The following RPL41 variants were observed in gnomAD, a reference collection of about 807,000 sequenced individuals.
The protein encoded by RPL41 is small ribosomal subunit protein eS32.
RPL41 carries 3 observed loss-of-function variants against 7.3 expected under a neutral mutation model. The observed-to-expected ratio is 0.41, with a 90% CI of 0.19 to 1.06. The LOEUF (loss-of-function observed/expected upper bound fraction) is 1.06, where lower values mean the gene tolerates loss of function less well. Among genes scored for constraint, RPL41 ranks in the 50% least tolerant of loss-of-function variants. The pLI is 0.32. For missense variants in RPL41, 13 were observed against 30.4 expected, an observed-to-expected ratio of 0.43 and a Z score of 1.35; for synonymous variants, 9 against 7.4, an observed-to-expected ratio of 1.21 and a Z score of -0.34.
chr12:56,116,996 AATTCTGATCTTATG>A (rs1869625945), intron 1 of RPL41, 179 bp from the exon 2 acceptor site: 1 of 1,076,260 alleles, frequency 9.3e-7, no homozygotes. Context: ...AAAAGGGTGG[AATTCTGATCTTATG>A]TTGGGAGGGT....
chr12:56,117,050 C>G, intron 1 of RPL41, 139 bp from the exon 2 acceptor site: 1 of 1,295,140 alleles, frequency 7.7e-7, no homozygotes, highest in East Asian at 2.5e-5. Context: ...TTGTTACGAC[C>G]AATCTTTCAT....
chr12:56,117,437 C>A (rs1435272478), intron 2 of RPL41, 45 bp from the exon 3 acceptor site: 4 of 1,547,718 alleles, frequency 2.6e-6, no homozygotes, highest in Non-Finnish European at 3.5e-6. Flanking sequence ...GAGGGAAAGG[C>A]AACTCTGGTT....
rs555391078 is a variant in RPL41 at position 56,116,635 on chromosome 12, C to T, written c.-153C>T. 7.7e-6 allele frequency: 7 copies of T among 914,326 alleles called. No individual in the cohort carries two copies. The highest frequency in any genetic ancestry group is 2.4e-5 in the East Asian group (1 of 41,272). The allele number at this position is 914,326 out of a possible 1,614,324, so 56.6% of individuals were successfully genotyped here. On this transcript the variant is annotated 5_prime_UTR_variant, in exon 1 of 3. Coordinates refer to ENST00000546591, the MANE Select transcript of RPL41 (RefSeq NM_001035267.2). ...GCCGTAGACGGAACTTCGCCTTTCT[C>T]TCGGCCTTAGCGCCATTTTTTTGGG...
At position 56,117,569 on chromosome 12, in the gene RPL41, G is replaced by T; in HGVS notation, c.*45G>T. 6.3e-6 allele frequency: 9 copies of T among 1,417,376 alleles called. No homozygotes were observed. The highest frequency in any genetic ancestry group is 8.8e-6 in the Non-Finnish European group (9 of 1,025,302). The allele number at this position is 1,417,376 out of a possible 1,614,324, so 87.8% of individuals were successfully genotyped here. ...GTGGAGGCCACAGGAGCAGAAACAT[G>T]GAATGCCAGACGCTGGGGATGCTGG... On this transcript the variant is annotated 3_prime_UTR_variant, in exon 3 of 3. Transcript: ENST00000546591.
intron 1 of RPL41, 35 bp downstream of exon 1, chr12:56,116,834 G>C: frequency 6.2e-7 from 1 of 1,613,830 alleles, no homozygotes; most frequent in Non-Finnish European, 8.5e-7. Flanking sequence ...TGGGAGGTAG[G>C]AGTTGGCGAG....
chr12:56,117,724 T>C lies in RPL41; in HGVS notation c.*200T>C. On this transcript the variant is annotated 3_prime_UTR_variant, in exon 3 of 3. Coordinates refer to ENST00000546591, the MANE Select transcript of RPL41 (RefSeq NM_001035267.2). Reference sequence around the variant, plus strand: ...AAACAAAATGCCCATGTTGGTCCTCTGCCCTGGACCTGTGACATTCTGGAC... The same window carrying C: ...AAACAAAATGCCCATGTTGGTCCTCCGCCCTGGACCTGTGACATTCTGGAC... 1 of 591,508 alleles carries C rather than the reference T, an allele frequency of 1.7e-6. No individual in the cohort carries two copies. The highest frequency in any genetic ancestry group is 1.9e-5 in the South Asian group (1 of 52,526). 36.6% of individuals were successfully genotyped at this position (591,508 alleles called of 1,614,324 possible). A position where few individuals can be genotyped will look rare whatever the true frequency, so the allele number is the denominator to read the frequency against.
At position 56,117,676 on chromosome 12, in the gene RPL41, C is replaced by G. The variant is rs1262676937; in HGVS notation, c.*152C>G. On this transcript the variant is annotated 3_prime_UTR_variant, in exon 3 of 3. Coordinates refer to ENST00000546591, the MANE Select transcript of RPL41 (RefSeq NM_001035267.2). ...TTCATCGCCCTCTGATCGCCGATCA[C>G]CTCTGAGACCCACCTTGCTCATAAA... 1.5e-6 allele frequency: 1 copy of G among 667,316 alleles called. No homozygotes were observed. The highest frequency in any genetic ancestry group is 2.7e-6 in the Non-Finnish European group (1 of 370,882). The allele number at this position is 667,316 out of a possible 1,614,324, so 41.3% of individuals were successfully genotyped here. A position where few individuals can be genotyped will look rare whatever the true frequency, so the allele number is the denominator to read the frequency against.
At chr12:56,117,021 G>T in intron 1 of RPL41, 168 bp from the exon 2 acceptor site, 1 of 1,119,584 alleles carries the variant, frequency 8.9e-7, no homozygotes. Context: ...TTGGGAGGGT[G>T]TCCAAGTTAC....
chr12:56,117,464 C>A lies in RPL41; in HGVS notation c.36-18C>A. 1 of 1,553,048 alleles carries A rather than the reference C, an allele frequency of 6.4e-7. No homozygotes were observed. Among genetic ancestry groups the A allele is most frequent in the Non-Finnish European group, 8.7e-7 (1 of 1,147,666 alleles). ...ACTCTGGTTTGAGGTGTATTCCATT[C>A]CTGTGTCTGCTTTTCAGGCTGAAGC... On this transcript the variant is annotated intron_variant, in intron 2 of 2. Transcript: ENST00000546591.
chr12:56,116,924 A>G (rs1869622710), intron 1 of RPL41, 125 bp downstream of exon 1: 1 of 1,313,464 alleles, frequency 7.6e-7, no homozygotes, highest in African/African-American at 1.5e-5. Flanking sequence ...CTGGTGGGAG[A>G]GAGAAGGTAG....
In RPL41 at chr12:56,116,936, T is replaced by TTGTGAGAG. The variant is rs1869622917; in HGVS notation, c.12+138_12+145dup. On this transcript the variant is annotated intron_variant, in intron 1 of 2. Transcript: ENST00000546591. ...GAGCTGGTGGGAGAGAGAAGGTAGT[T>TTGTGAGAG]TGTGAGAGAGCTAGCGGTTAAGTGC... 3.2e-6 allele frequency: 4 copies of TTGTGAGAG among 1,253,086 alleles called. No individual in the cohort carries two copies. In the South Asian group the frequency reaches 4.8e-5, roughly 15 times the overall value. 77.6% of individuals were successfully genotyped at this position (1,253,086 alleles called of 1,614,324 possible). A position where few individuals can be genotyped will look rare whatever the true frequency, so the allele number is the denominator to read the frequency against.
intron 2 of RPL41, 44 bp downstream of exon 2, chr12:56,117,255 G>A: frequency 6.3e-7 from 1 of 1,582,184 alleles, no homozygotes; most frequent in Non-Finnish European, 8.5e-7. Context: ...AAGTTCCTTG[G>A]ACAAAACTTA....
At chr12:56,117,007 T>TA (rs1869626491) in intron 1 of RPL41, 182 bp from the exon 2 acceptor site, 1 of 1,079,584 alleles carries the variant, frequency 9.3e-7, no homozygotes, top group Non-Finnish European at 1.3e-6. Flanking sequence ...ATTCTGATCT[T>TA]ATGTTGGGAG....
Position 56,117,223 on chromosome 12 carries a change from C to T in RPL41, c.35+12C>T, listed in dbSNP as rs1430196022. On this transcript the variant is annotated intron_variant, in intron 2 of 2. Transcript: ENST00000546591. Reference sequence around the variant, plus strand: ...AAGCGAATGCGCAGGTACGTTGAGACTTTGCCAGCCCAGGAGGAGGGAAGT... The same window carrying T: ...AAGCGAATGCGCAGGTACGTTGAGATTTTGCCAGCCCAGGAGGAGGGAAGT... 4.4e-6 allele frequency: 7 copies of T among 1,594,252 alleles called. No individual in the cohort carries two copies. Among genetic ancestry groups the T allele is most frequent in the Admixed American group, 1.8e-5 (1 of 55,564 alleles).
At chr12:56,117,104 A>G in intron 1 of RPL41, 85 bp from the exon 2 acceptor site, 1 of 1,496,706 alleles carries the variant, frequency 6.7e-7, no homozygotes, top group Non-Finnish European at 8.9e-7. Flanking sequence ...AGTGCATTTC[A>G]TATCCTTGCT....
In RPL41 at chr12:56,117,482, G is replaced by A; in HGVS notation, c.36G>A (p.Arg12=). The A allele has an allele frequency of 1.9e-6, 3 of 1,553,502 alleles. No individual in the cohort carries two copies. In the East Asian group the frequency reaches 7.3e-5, roughly 38 times the overall value. The change falls in exon 3 of 3, where the codon AGG becomes AGA. Residue 12 remains arginine (R), a splice_region_variant and synonymous_variant. Coordinates refer to ENST00000546591, the MANE Select transcript of RPL41 (RefSeq NM_001035267.2). ...RAKWRKKRMR[R]LKRKRRKMRQ... is the part of the protein sequence containing the mutation. ...TTCCATTCCTGTGTCTGCTTTTCAG[G>A]CTGAAGCGCAAAAGAAGAAAGATGA...
Position 56,116,751 on chromosome 12 carries a change from T to C in RPL41, c.-37T>C. 6.2e-7 allele frequency: 1 copy of C among 1,613,608 alleles called. No homozygotes were observed. Among genetic ancestry groups the C allele is most frequent in the South Asian group, 1.1e-5 (1 of 91,082 alleles). On this transcript the variant is annotated 5_prime_UTR_variant, in exon 1 of 3. Transcript: ENST00000546591. ...TAGCATCATCACAGCAAACTAACTG[T>C]AGCCTTTCTCTCTTTCCCTGTAGAA...
At position 56,116,785 on chromosome 12, in the gene RPL41, G is replaced by T; in HGVS notation, c.-3G>T. 3 of 1,613,996 alleles carry T rather than the reference G, an allele frequency of 1.9e-6. No homozygotes were observed. The highest frequency in any genetic ancestry group is 2.7e-5 in the African/African-American group (2 of 75,030). ...TCTCTTTCCCTGTAGAAACCTCTGC[G>T]CCATGAGAGCCAAGGTGAGCGGTTC... On this transcript the variant is annotated 5_prime_UTR_variant, in exon 1 of 3. Coordinates refer to ENST00000546591, the MANE Select transcript of RPL41 (RefSeq NM_001035267.2).
intron 1 of RPL41, 153 bp downstream of exon 1, chr12:56,116,952 G>A: frequency 8.5e-7 from 1 of 1,173,276 alleles, no homozygotes; most frequent in Non-Finnish European, 1.3e-6. Flanking sequence ...GAGAGCTAGC[G>A]GTTAAGTGCT....
Sources: gnomAD v4.1 joint callset for allele counts on GRCh38, gnomAD v4.1.1 for gene constraint, MANE v1.5 for transcripts, NCBI Gene and HGNC (gene_info 2026-07-23, HGNC 2026-07-21) for gene names.